The following PDSS2 variants were observed in gnomAD, a reference collection of about 807,000 sequenced individuals.
PDSS2 encodes all trans-polyprenyl-diphosphate synthase PDSS2.
A neutral mutation model predicts 44.5 loss-of-function variants in PDSS2; 31 were observed. The ratio of observed to expected loss-of-function variants is 0.70; its 90% CI spans 0.52 to 0.94. The LOEUF (loss-of-function observed/expected upper bound fraction) is 0.94. PDSS2 is among the 40% of genes least tolerant of loss of function. PDSS2 has a pLI of 0.00. For synonymous variants in PDSS2, 157 were observed against 180.3 expected (o/e 0.87, Z 1.03); for missense variants, 452 against 482.2 (o/e 0.94, Z 0.59).
chr6:107,318,911 C>T (rs569356762), intron 2 of PDSS2, among the ~76,000 whole-genome samples: 1 of 152,032 alleles, frequency 6.6e-6, no homozygotes, highest in East Asian at 1.9e-4. Context: ...TCACTTGAAC[C>T]CAGGAGACAG....
chr6:107,374,742 C>G (rs1779232129), intron 1 of PDSS2, among the ~76,000 whole-genome samples: 1 of 152,122 alleles, frequency 6.6e-6, no homozygotes, highest in African/African-American at 2.4e-5. Flanking sequence ...TATATTATCT[C>G]TTTAATCATT....
chr6:107,242,562 A>G (rs181206818), intron 4 of PDSS2, among the ~76,000 whole-genome samples: 218 of 152,184 alleles, frequency 1.4e-3, no homozygotes, highest in African/African-American at 5.0e-3. Flanking sequence ...TTATTTTTTA[A>G]GAGACAAGGT....
intron 3 of PDSS2, among the ~76,000 whole-genome samples, chr6:107,268,364 AAAAC>A (rs989659988): frequency 1.3e-5 from 2 of 152,202 alleles, no homozygotes. Flanking sequence ...ATTTATTTCA[AAAAC>A]AAACAGCTGA....
chr6:107,267,434 C>G (rs1268791935), intron 3 of PDSS2, among the ~76,000 whole-genome samples: 2 of 152,002 alleles, frequency 1.3e-5, no homozygotes, highest in Non-Finnish European at 2.9e-5. Context: ...TTTGTGAGTC[C>G]CAGGGGCAAA....
At chr6:107,185,950 A>C (rs1224457012) in intron 7 of PDSS2, among the ~76,000 whole-genome samples, 1 of 152,214 alleles carries the variant, frequency 6.6e-6, no homozygotes, top group Non-Finnish European at 1.5e-5. Flanking sequence ...TCCTGGTCAC[A>C]CTTCACTTCT....
At chr6:107,190,355 A>G (rs1257648038) in intron 7 of PDSS2, among the ~76,000 whole-genome samples, 2 of 151,864 alleles carry the variant, frequency 1.3e-5, no homozygotes, top group East Asian at 1.9e-4. Flanking sequence ...CTTCTCCCCA[A>G]CTTACTGCGT....
intron 7 of PDSS2, among the ~76,000 whole-genome samples, chr6:107,157,906 C>T (rs543465685): frequency 2.6e-4 from 39 of 151,866 alleles, no homozygotes; most frequent in Admixed American, 5.2e-4. Context: ...CTCCTGACCT[C>T]GTGATCTGCC....
intron 6 of PDSS2, among the ~76,000 whole-genome samples, chr6:107,203,520 C>A (rs1772863011): frequency 6.6e-6 from 1 of 152,024 alleles, no homozygotes; most frequent in African/African-American, 2.4e-5. Flanking sequence ...TATAATATAG[C>A]CAGATTTACC....
At chr6:107,408,928 T>A (rs1780406172) in intron 1 of PDSS2, among the ~76,000 whole-genome samples, 2 of 152,162 alleles carry the variant, frequency 1.3e-5, no homozygotes, top group African/African-American at 4.8e-5. Context: ...TCATTTTGGA[T>A]CTAAGGACTC....
intron 1 of PDSS2, among the ~76,000 whole-genome samples, chr6:107,434,781 T>C (rs1781297409): frequency 6.6e-6 from 1 of 152,224 alleles, no homozygotes; most frequent in Admixed American, 6.5e-5. Flanking sequence ...AAATAACAAA[T>C]GCTTGAGGTA....
At chr6:107,423,242 C>T (rs1477557830) in intron 1 of PDSS2, among the ~76,000 whole-genome samples, 4 of 151,820 alleles carry the variant, frequency 2.6e-5, no homozygotes. Context: ...AACATATTGA[C>T]AAGTGTACTC....
chr6:107,281,169 TC>T (rs1297510218), intron 2 of PDSS2, among the ~76,000 whole-genome samples: 6 of 152,014 alleles, frequency 3.9e-5, no homozygotes, highest in African/African-American at 1.2e-4. Flanking sequence ...GACTTAAGGA[TC>T]CTAAAGAGGG....
chr6:107,288,688 T>C (rs1776236062), intron 2 of PDSS2, among the ~76,000 whole-genome samples: 1 of 151,592 alleles, frequency 6.6e-6, no homozygotes, highest in Non-Finnish European at 1.5e-5. Flanking sequence ...GAGTTTAGGT[T>C]TTTCTAGAGC....
chr6:107,196,855 T>TCATA lies in PDSS2; in HGVS notation c.1009-3005_1009-3002dup, dbSNP rs560065255. ...CACCAATGGCCAATGGCTTAATCAA[T>TCATA]CATACCTATGTAATGAAGCTTCCAT... On this transcript the variant is annotated intron_variant, in intron 6 of 7. Coordinates refer to ENST00000369037, the MANE Select transcript of PDSS2 (RefSeq NM_020381.4). Among the ~76,000 whole-genome samples, 671 of 152,254 alleles carry TCATA rather than the reference T, an allele frequency of 4.4e-3. 5 individuals are homozygous for TCATA. The highest frequency in any genetic ancestry group is 0.015 in the African/African-American group (639 of 41,556).
chr6:107,228,711 T>C lies in PDSS2; in HGVS notation c.703-16429A>G, dbSNP rs58116361. Among the ~76,000 whole-genome samples the C allele has an allele frequency of 2.6e-3, 316 of 123,056 alleles. 1 individual carries two copies. The highest frequency in any genetic ancestry group is 9.7e-3 in the African/African-American group (304 of 31,322). The allele number at this position is 123,056 out of a possible 152,430, so 80.7% of individuals were successfully genotyped here. On this transcript the variant is annotated intron_variant, in intron 4 of 7. Transcript: ENST00000369037. ...CTCTATCTCAAAATAAATAAATAAA[T>C]AAATAAATAAACAAACAAACAAACA...
At chr6:107,260,980 A>G (rs1775202502) in intron 3 of PDSS2, among the ~76,000 whole-genome samples, 1 of 151,966 alleles carries the variant, frequency 6.6e-6, no homozygotes, top group African/African-American at 2.4e-5. Flanking sequence ...ATTTTCATGG[A>G]CATTTGCTAG....
chr6:107,247,150 A>G (rs749933144), intron 3 of PDSS2, among the ~76,000 whole-genome samples: 8 of 152,232 alleles, frequency 5.3e-5, no homozygotes, highest in Non-Finnish European at 8.8e-5. Context: ...CACAAGCAAC[A>G]TCCCAAGATC....
chr6:107,434,142 A>C (rs190168579), intron 1 of PDSS2, among the ~76,000 whole-genome samples: 93 of 152,344 alleles, frequency 6.1e-4, no homozygotes, highest in Middle Eastern at 3.4e-3. Flanking sequence ...GAGGACTCTC[A>C]TACACGACTA....
chr6:107,186,398 C>T (rs964209046), intron 7 of PDSS2, among the ~76,000 whole-genome samples: 5 of 152,186 alleles, frequency 3.3e-5, no homozygotes, highest in Non-Finnish European at 7.3e-5. Context: ...CTCTCCCCTA[C>T]TACCTCACCA....
Sources: allele counts gnomAD v4.1 joint callset (sites outside exome capture counted in the v4.1 genomes callset), GRCh38; gene constraint gnomAD v4.1.1; transcripts MANE v1.5; gene names NCBI Gene and HGNC (gene_info 2026-07-23, HGNC 2026-07-21).